DRC3: variants seen among roughly 807,000 people sequenced by gnomAD.
The protein encoded by DRC3 is leucine rich repeat containing 48.
Under a neutral mutation model 57.6 loss-of-function variants are expected in DRC3, and 45 were observed. The ratio of observed to expected loss-of-function variants is 0.78; its 90% CI spans 0.62 to 1.00. The LOEUF (loss-of-function observed/expected upper bound fraction) is 1.00, where lower values mean the gene tolerates loss of function less well. Among genes scored for constraint, DRC3 ranks in the 50% least tolerant of loss-of-function variants. The probability of loss-of-function intolerance (pLI) is 0.00; values close to 1 mark genes in which losing one functional copy is unlikely to be tolerated. For missense variants in DRC3, 655 were observed against 675.2 expected, an observed-to-expected ratio of 0.97 and a Z score of 0.33; for synonymous variants, 257 against 272.3, an observed-to-expected ratio of 0.94 and a Z score of 0.55.
chr17:17,974,879 A>G (rs2042309747), intron 2 of DRC3, among the ~76,000 whole-genome samples: 1 of 152,244 alleles, frequency 6.6e-6, no homozygotes, highest in Non-Finnish European at 1.5e-5. Context: ...AGCATATAGC[A>G]GTTACTCACT....
chr17:17,973,332 C>T (rs920014358), intron 1 of DRC3, among the ~76,000 whole-genome samples: 3 of 152,204 alleles, frequency 2.0e-5, no homozygotes, highest in Non-Finnish European at 1.5e-5. Context: ...TAACTGACCT[C>T]ATAACTATCA....
intron 9 of DRC3, among the ~76,000 whole-genome samples, chr17:18,001,793 G>T (rs973217929): frequency 6.6e-6 from 1 of 152,086 alleles, no homozygotes; most frequent in Non-Finnish European, 1.5e-5. Flanking sequence ...AAATTTAAAA[G>T]AATTAAAAAA....
intron 3 of DRC3, among the ~76,000 whole-genome samples, chr17:17,980,145 G>A (rs550629222): frequency 2.0e-5 from 3 of 152,220 alleles, no homozygotes; most frequent in Non-Finnish European, 4.4e-5. Flanking sequence ...AGGGAGGGGA[G>A]CTAGGAGGGG....
chr17:18,007,436 C>T, intron 12 of DRC3: 1 of 1,551,546 alleles, frequency 6.4e-7, no homozygotes, highest in Non-Finnish European at 8.7e-7. Flanking sequence ...AGGCTTCTGG[C>T]ACTTTCTAAG....
chr17:18,003,146 T>C (rs960577969), intron 9 of DRC3, among the ~76,000 whole-genome samples: 4 of 152,020 alleles, frequency 2.6e-5, no homozygotes, highest in Admixed American at 2.6e-4. Flanking sequence ...CAAGGTTTGT[T>C]CACACAGATT....
chr17:17,991,311 G>A (rs1394930455), intron 5 of DRC3, among the ~76,000 whole-genome samples: 1 of 63,154 alleles, frequency 1.6e-5, no homozygotes, highest in Non-Finnish European at 2.6e-5. Context: ...TTTTTTTTGA[G>A]AAGGAGTCTC....
At chr17:17,980,515 G>A (rs999237918) in intron 3 of DRC3, among the ~76,000 whole-genome samples, 2 of 151,248 alleles carry the variant, frequency 1.3e-5, no homozygotes, top group Non-Finnish European at 2.9e-5. Context: ...GGCTGGTTTC[G>A]AACTCCTGAG....
chr17:18,000,357 A>AGTGTGTGTGTGT (rs113487468), intron 9 of DRC3, among the ~76,000 whole-genome samples: 6 of 65,332 alleles, frequency 9.2e-5, no homozygotes, highest in African/African-American at 3.0e-4. Context: ...CTTTCACGTG[A>AGTGTGTGTGTGT]GTGTGTGTGT....
intron 9 of DRC3, among the ~76,000 whole-genome samples, chr17:17,998,486 G>A (rs764598558): frequency 1.3e-5 from 2 of 152,244 alleles, no homozygotes; most frequent in Non-Finnish European, 2.9e-5. Flanking sequence ...AAGGAAAGCT[G>A]TGGACCTTCT....
intron 7 of DRC3, 70 bp from the exon 8 acceptor site, chr17:17,994,929 C>T (rs9899355): frequency 0.37 from 380,534 of 1,028,434 alleles, 77,917 homozygotes; most frequent in South Asian, 0.7. Flanking sequence ...CTGCCTTCCT[C>T]ATGGGCCTGT....
chr17:18,007,914 A>G (rs989480260), intron 12 of DRC3: 23 of 943,128 alleles, frequency 2.4e-5, no homozygotes, highest in Non-Finnish European at 2.9e-5. Context: ...TTGCCTCTTT[A>G]CTGTCCTCTT....
In DRC3 at chr17:17,992,629, T is replaced by C. The variant is rs2043283574; in HGVS notation, c.445-136T>C. 4 of 915,766 alleles carry C rather than the reference T, an allele frequency of 4.4e-6. No individual in the cohort carries two copies. The Admixed American group carries it at 1.1e-4, about 24-fold the overall frequency. The allele number at this position is 915,766 out of a possible 1,614,324, so 56.7% of individuals were successfully genotyped here. A position where few individuals can be genotyped will look rare whatever the true frequency, so the allele number is the denominator to read the frequency against. On this transcript the variant is annotated intron_variant, in intron 5 of 13. Coordinates refer to ENST00000399187, the MANE Select transcript of DRC3 (RefSeq NM_031294.4). ...CTGGAACACCCCCACGCCTGCACACTGCCTGTCACCCCACCCCAGTGCTGA... is the reference window on the plus strand; with the variant it reads ...CTGGAACACCCCCACGCCTGCACACCGCCTGTCACCCCACCCCAGTGCTGA...
intron 12 of DRC3, chr17:18,015,474 T>C (rs2044325154): frequency 6.5e-6 from 1 of 152,756 alleles, no homozygotes; most frequent in Non-Finnish European, 1.5e-5. Flanking sequence ...GTGAGGCCTA[T>C]TAGAAGGTGG....
Position 18,004,388 on chromosome 17 carries a change from TG to T in DRC3, c.1027del (p.Glu343AsnfsTer8). The T allele has an allele frequency of 7.5e-6, 12 of 1,606,532 alleles. No homozygotes were observed. Among genetic ancestry groups the T allele is most frequent in the Non-Finnish European group, 1.0e-5 (12 of 1,176,198 alleles). Reference protein sequence around the residue: ...LSSLSAIREELELPNIEKMIL... With the variant: ...LSSLSAIREEXELPNIEKMIL... Reference sequence around the variant, plus strand: ...AGTTTAAGTGCCATTCGAGAGGAGTTGGAACTGCCCAACATTGAGAAGATGA... The same window carrying T: ...AGTTTAAGTGCCATTCGAGAGGAGTTGAACTGCCCAACATTGAGAAGATGA... On this transcript the variant is annotated frameshift_variant, in exon 10 of 14. Transcript: ENST00000399187. LOFTEE classifies it high-confidence loss of function.
In DRC3 at chr17:18,007,157, G is replaced by GCGGGCGGCGC; in HGVS notation, c.1326+15_1326+16insGGCGCCGGGC. ...TAACGACCTGCGCGCGGTAGGCGGG[G>GCGGGCGGCGC]CGGGCTGCTCGGAGCCTGACAGATG... On this transcript the variant is annotated intron_variant, in intron 12 of 13. Coordinates refer to ENST00000399187, the MANE Select transcript of DRC3 (RefSeq NM_031294.4). The GCGGGCGGCGC allele has an allele frequency of 1.1e-6, 1 of 879,090 alleles. No individual in the cohort carries two copies. The highest frequency in any genetic ancestry group is 1.6e-6 in the Non-Finnish European group (1 of 619,928). 54.5% of individuals were successfully genotyped at this position (879,090 alleles called of 1,614,324 possible).
chr17:17,994,003 C>A (rs2043342434), intron 6 of DRC3: 1 of 362,514 alleles, frequency 2.8e-6, no homozygotes, highest in Non-Finnish European at 5.3e-6. Context: ...GGGGAGCGCT[C>A]CATTGCTGTG....
chr17:17,977,883 C>A, intron 3 of DRC3, 125 bp downstream of exon 3: 1 of 952,704 alleles, frequency 1.0e-6, no homozygotes, highest in Non-Finnish European at 1.5e-6. Flanking sequence ...GCATTAGGGC[C>A]TACCTGGGTT....
At chr17:17,996,559 A>T (rs2043466740) in intron 8 of DRC3, among the ~76,000 whole-genome samples, 1 of 152,176 alleles carries the variant, frequency 6.6e-6, no homozygotes, top group Non-Finnish European at 1.5e-5. Context: ...CTCCCACAAC[A>T]CATGGGAATT....
At chr17:17,977,890 G>A in intron 3 of DRC3, 132 bp downstream of exon 3, 1 of 856,366 alleles carries the variant, frequency 1.2e-6, no homozygotes, top group East Asian at 2.7e-5. Context: ...GGCCTACCTG[G>A]GTTACAAGGC....
Sources: gnomAD v4.1 joint callset for allele counts (sites outside exome capture counted in the v4.1 genomes callset) on GRCh38, gnomAD v4.1.1 for gene constraint, MANE v1.5 for transcripts, NCBI Gene and HGNC (gene_info 2026-07-23, HGNC 2026-07-21) for gene names.